IPO5: variants seen among roughly 807,000 people sequenced by gnomAD.
IPO5 encodes the protein importin 5.
IPO5 carries 18 observed loss-of-function variants against 143.3 expected under a neutral mutation model. The ratio of observed to expected loss-of-function variants is 0.13; its 90% CI spans 0.09 to 0.19. The LOEUF is 0.19. Ranked by LOEUF, IPO5 falls within the 10% of genes least tolerant of loss-of-function variation. The pLI is 1.00. For missense variants in IPO5, 1,013 were observed against 1,336.9 expected (o/e 0.76, Z 3.78); for synonymous variants, 477 against 465.7 (o/e 1.02, Z -0.31).
chr13:97,992,583 AG>A (rs2139703052), intron 9 of IPO5, among the ~76,000 whole-genome samples: 1 of 152,254 alleles, frequency 6.6e-6, no homozygotes, highest in African/African-American at 2.4e-5. Context: ...GACAAAGGAA[AG>A]GGACTCCTGG....
intron 11 of IPO5, among the ~76,000 whole-genome samples, chr13:97,996,593 G>A (rs973248563): frequency 2.6e-5 from 4 of 152,038 alleles, no homozygotes; most frequent in African/African-American, 9.7e-5. Flanking sequence ...AGCGCAGCTT[G>A]TTTGGTAATT....
At chr13:97,985,360 A>G (rs1270550292) in intron 5 of IPO5, 61 bp from the exon 6 acceptor site, 12 of 1,329,736 alleles carry the variant, frequency 9.0e-6, no homozygotes, top group African/African-American at 1.5e-5. Flanking sequence ...ATAAAAATAC[A>G]ACAGTGAAAT....
intron 9 of IPO5, among the ~76,000 whole-genome samples, chr13:97,992,562 A>G (rs949865330): frequency 2.0e-5 from 3 of 152,196 alleles, no homozygotes; most frequent in African/African-American, 7.2e-5. Flanking sequence ...TTATCACTGA[A>G]AAAATAAAAG....
At chr13:98,009,753 G>A in intron 18 of IPO5, 128 bp from the exon 19 acceptor site, 1 of 707,292 alleles carries the variant, frequency 1.4e-6, no homozygotes, top group African/African-American at 1.8e-5. Flanking sequence ...CTTTAGAAAT[G>A]CTCTTACTGC....
At chr13:97,990,324 A>G (rs536063640) in intron 8 of IPO5, 102 bp downstream of exon 8, 6 of 1,141,454 alleles carry the variant, frequency 5.3e-6, no homozygotes, top group Admixed American at 4.3e-5. Context: ...ACTTTAAAAT[A>G]CAAACACCAG....
chr13:97,954,950 G>C (rs796818134), intron 2 of IPO5, among the ~76,000 whole-genome samples: 21 of 152,144 alleles, frequency 1.4e-4, no homozygotes, highest in African/African-American at 4.3e-4. Context: ...AATACCGGCC[G>C]GGCACAGTGG....
At chr13:98,008,005 C>T in intron 17 of IPO5, 54 bp from the exon 18 acceptor site, 1 of 1,128,042 alleles carries the variant, frequency 8.9e-7, no homozygotes, top group Non-Finnish European at 1.3e-6. Context: ...TTGCTAATTA[C>T]ACAAGAAACA....
At chr13:97,974,017 C>A (rs1886050359) in intron 3 of IPO5, among the ~76,000 whole-genome samples, 1 of 152,114 alleles carries the variant, frequency 6.6e-6, no homozygotes, top group Admixed American at 6.5e-5. Flanking sequence ...GCAGTGAGAT[C>A]ACACCACTGC....
At chr13:97,984,047 C>T (rs1279319537) in intron 5 of IPO5, among the ~76,000 whole-genome samples, 1 of 121,376 alleles carries the variant, frequency 8.2e-6, no homozygotes, top group South Asian at 2.8e-4. Context: ...GGCGGGATCT[C>T]GGCTCACTGC....
intron 28 of IPO5, 65 bp downstream of exon 28, chr13:98,021,198 G>A (rs1890462481): frequency 1.4e-6 from 2 of 1,399,976 alleles, no homozygotes; most frequent in South Asian, 1.4e-5. Flanking sequence ...AGTCCTCTAT[G>A]AGAAGAAACT....
In IPO5 at chr13:98,009,964, G is replaced by T; in HGVS notation, c.1884G>T (p.Gly628=). ...AGCAATACCTTCCAGTGGTTATGGG[G>T]CCTTTAATGAAGACGGCTTCAATTA... ...EFQQYLPVVM[G]PLMKTASIKP... Residue 628 remains glycine, a synonymous_variant, in exon 19 of 29, where the codon GGG becomes GGT. Transcript: ENST00000651721. The T allele has an allele frequency of 6.2e-7, 1 of 1,614,102 alleles. No homozygotes were observed. The highest frequency in any genetic ancestry group is 8.5e-7 in the Non-Finnish European group (1 of 1,179,976).
At chr13:97,960,704 G>A (rs768008181) in intron 2 of IPO5, among the ~76,000 whole-genome samples, 1 of 151,500 alleles carries the variant, frequency 6.6e-6, no homozygotes, top group Admixed American at 6.6e-5. Flanking sequence ...GATTACAGTC[G>A]CGCACCACTA....
chr13:98,005,339 G>GTAAT (rs1889139582), intron 16 of IPO5, among the ~76,000 whole-genome samples: 1 of 151,266 alleles, frequency 6.6e-6, no homozygotes, highest in Non-Finnish European at 1.5e-5. Context: ...TGGGATTACA[G>GTAAT]GGGTGTGCCA....
chr13:98,018,417 A>C, intron 25 of IPO5, 68 bp from the exon 26 acceptor site: 1 of 1,140,688 alleles, frequency 8.8e-7, no homozygotes, highest in South Asian at 1.4e-5. Flanking sequence ...GATAGTCTAT[A>C]GTGAATATTT....
At chr13:98,011,407 T>A (rs1427593096) in intron 20 of IPO5, among the ~76,000 whole-genome samples, 3 of 151,436 alleles carry the variant, frequency 2.0e-5, no homozygotes, top group Non-Finnish European at 4.4e-5. Flanking sequence ...TCTCCTGCCT[T>A]AACCTCCCGA....
At position 97,993,121 on chromosome 13, in the gene IPO5, G is replaced by T. The variant is rs751568192; in HGVS notation, c.809G>T (p.Ser270Ile). 6.2e-7 allele frequency: 1 copy of T among 1,614,066 alleles called. No homozygotes were observed. The highest frequency in any genetic ancestry group is 8.5e-7 in the Non-Finnish European group (1 of 1,179,948). Residue 270 changes from serine (S) to isoleucine (I), a missense_variant, in exon 11 of 29, where the codon AGC becomes ATC. By Grantham distance (142) the Ser-to-Ile change is moderately radical (BLOSUM62 -2). This residue lies in a region of IPO5 where 328 missense variants were observed against 342.0 expected (regional missense o/e 0.96). Coordinates refer to ENST00000651721, the MANE Select transcript of IPO5 (RefSeq NM_002271.6). ...QLSLKLCGDT[S>I]LNNMQRQLAL... is the part of the protein sequence containing the mutation. Reference sequence around the variant, plus strand: ...TCTTTGTAGTTGTGTGGAGACACTAGCCTCAACAATATGCAACGCCAGCTT... The same window carrying T: ...TCTTTGTAGTTGTGTGGAGACACTATCCTCAACAATATGCAACGCCAGCTT...
chr13:97,996,026 A>G (rs1888256830), intron 11 of IPO5, among the ~76,000 whole-genome samples: 1 of 152,224 alleles, frequency 6.6e-6, no homozygotes, highest in African/African-American at 2.4e-5. Flanking sequence ...AAATAATTAC[A>G]GTGCACACAA....
In IPO5 at chr13:97,993,250, TTA is replaced by T. The variant is rs749175201; in HGVS notation, c.913+27_913+28del. On this transcript the variant is annotated intron_variant, in intron 11 of 28. Transcript: ENST00000651721. ...AGTAAGTCAATGGTCTTCAGATAGT[TTA>T]TGTGTATTGTGGCCAAATTTTTGGA... 4.9e-5 allele frequency: 78 copies of T among 1,605,576 alleles called. 1 individual carries two copies. The South Asian group carries it at 8.1e-4, about 17-fold the overall frequency.
chr13:98,021,405 TAAG>T lies in IPO5; in HGVS notation c.3207+275_3207+277del, dbSNP rs560182458. 136 of 357,048 alleles carry T rather than the reference TAAG, an allele frequency of 3.8e-4. No homozygotes were observed. In the Middle Eastern group the frequency reaches 3.8e-3, roughly 10 times the overall value. 22.1% of individuals were successfully genotyped at this position (357,048 alleles called of 1,614,324 possible). A position where few individuals can be genotyped will look rare whatever the true frequency, so the allele number is the denominator to read the frequency against. On this transcript the variant is annotated intron_variant, in intron 28 of 28. Coordinates refer to ENST00000651721, the MANE Select transcript of IPO5 (RefSeq NM_002271.6). ...TTATGTGTAGTTTTTCTGCCTATCTTAAGAAAAAAAAACAAGATTTAATAATAA... is the reference window on the plus strand; with the variant it reads ...TTATGTGTAGTTTTTCTGCCTATCTTAAAAAAAAACAAGATTTAATAATAA...
Sources: gnomAD v4.1 joint callset for allele counts (sites outside exome capture counted in the v4.1 genomes callset) on GRCh38, gnomAD v4.1.1 for gene constraint, gnomAD v4.1.1 regional missense constraint, MANE v1.5 for transcripts, NCBI Gene and HGNC (gene_info 2026-07-23, HGNC 2026-07-21) for gene names.